Variants in ZNF121 observed in about 807,000 individuals in gnomAD.
ZNF121 encodes zinc finger protein 121 (clone ZHC32).
In ZNF121, 1 loss-of-function variant was observed where a neutral mutation model predicts 2.4. The observed-to-expected ratio is 0.41, with a 90% CI of 0.15 to 1.94. The LOEUF (loss-of-function observed/expected upper bound fraction) is 1.94, where lower values mean the gene tolerates loss of function less well. ZNF121 is among the 30% of genes most tolerant of loss of function. ZNF121 has a pLI of 0.30. For synonymous variants in ZNF121, 173 were observed against 158.6 expected, an observed-to-expected ratio of 1.09 and a Z score of -0.68; for missense variants, 369 against 466.3, an observed-to-expected ratio of 0.79 and a Z score of 1.92.
Position 9,565,306 on chromosome 19 carries a change from C to A in ZNF121, c.*634G>T, listed in dbSNP as rs2074121975. On this transcript the variant is annotated 3_prime_UTR_variant, in exon 4 of 4. Transcript: ENST00000320451. ...TGAGTTCTCAAATGTTGGATTGTGA[C>A]CACAATCCAATCCCTTGAGAAAAGA... 1 of 125,860 alleles carries A rather than the reference C, an allele frequency of 7.9e-6. No homozygotes were observed. Among genetic ancestry groups the A allele is most frequent in the South Asian group, 2.6e-4 (1 of 3,774 alleles). The allele number at this position is 125,860 out of a possible 1,614,324, so 7.8% of individuals were successfully genotyped here. A position where few individuals can be genotyped will look rare whatever the true frequency, so the allele number is the denominator to read the frequency against.
In ZNF121 at chr19:9,562,621, A is replaced by C. The variant is rs2074107076; in HGVS notation, c.*3319T>G. ...TCTTCCCAGGCCTCCTAATTCCCTGAGGGACAATATTGAAATTAGGCCAAT... is the reference window on the plus strand; with the variant it reads ...TCTTCCCAGGCCTCCTAATTCCCTGCGGGACAATATTGAAATTAGGCCAAT... On this transcript the variant is annotated 3_prime_UTR_variant, in exon 4 of 4. Coordinates refer to ENST00000320451, the MANE Select transcript of ZNF121 (RefSeq NM_001008727.5). 6.5e-6 allele frequency: 1 copy of C among 154,236 alleles called. No individual in the cohort carries two copies. The highest frequency in any genetic ancestry group is 2.4e-5 in the African/African-American group (1 of 41,442). The allele number at this position is 154,236 out of a possible 1,614,324, so 9.6% of individuals were successfully genotyped here.
intron 1 of ZNF121, among the ~76,000 whole-genome samples, chr19:9,579,601 G>A (rs567758618): frequency 1.3e-5 from 2 of 152,326 alleles, no homozygotes; most frequent in South Asian, 4.1e-4. Context: ...CCAGGAGGTG[G>A]AGGTTACAGT....
At chr19:9,567,533 G>A (rs951716079) in intron 3 of ZNF121, 5 of 221,926 alleles carry the variant, frequency 2.3e-5, no homozygotes, top group African/African-American at 1.1e-4. Context: ...AACAGGGGTG[G>A]AATAGGGGTG....
chr19:9,573,786 C>G (rs12460745), intron 1 of ZNF121, among the ~76,000 whole-genome samples: 15,382 of 152,196 alleles, frequency 0.1, 909 homozygotes, highest in South Asian at 0.2. Flanking sequence ...AGGACTCCAG[C>G]TGGTCTGGCA....
In ZNF121 at chr19:9,565,901, C is replaced by G; in HGVS notation, c.*39G>C. 7.0e-7 allele frequency: 1 copy of G among 1,436,342 alleles called. No homozygotes were observed. Among genetic ancestry groups the G allele is most frequent in the Non-Finnish European group, 9.3e-7 (1 of 1,072,294 alleles). The allele number at this position is 1,436,342 out of a possible 1,614,324, so 89.0% of individuals were successfully genotyped here. A position where few individuals can be genotyped will look rare whatever the true frequency, so the allele number is the denominator to read the frequency against. On this transcript the variant is annotated 3_prime_UTR_variant, in exon 4 of 4. Coordinates refer to ENST00000320451, the MANE Select transcript of ZNF121 (RefSeq NM_001008727.5). ...GTGGTAATTATGGTATGAGAAATTCCTAAAAGATTTCCACATTCCTTACAT... is the reference window on the plus strand; with the variant it reads ...GTGGTAATTATGGTATGAGAAATTCGTAAAAGATTTCCACATTCCTTACAT...
chr19:9,571,702 T>C (rs968331826), intron 1 of ZNF121, among the ~76,000 whole-genome samples: 2 of 152,192 alleles, frequency 1.3e-5, no homozygotes, highest in East Asian at 1.9e-4. Context: ...TAGTACACTA[T>C]GTTGACACCA....
chr19:9,582,917 T>TTTAATA (rs140640245), intron 1 of ZNF121, among the ~76,000 whole-genome samples: 2 of 151,426 alleles, frequency 1.3e-5, no homozygotes, highest in Admixed American at 6.6e-5. Flanking sequence ...ATATTCTGAT[T>TTTAATA]ATAAAGCCTC....
At position 9,560,632 on chromosome 19, in the gene ZNF121, T is replaced by C. The variant is rs1159285097; in HGVS notation, c.*5308A>G. On this transcript the variant is annotated 3_prime_UTR_variant, in exon 4 of 4. Coordinates refer to ENST00000320451, the MANE Select transcript of ZNF121 (RefSeq NM_001008727.5). ...TTTATTTCACTTAGCATAACGTCCA[T>C]GTTGTAGCATATGGCAGAATTTTGT... The C allele has an allele frequency of 6.6e-6, 1 of 152,260 alleles. No individual in the cohort carries two copies. Among genetic ancestry groups the C allele is most frequent in the Non-Finnish European group, 1.5e-5 (1 of 68,042 alleles). The allele number at this position is 152,260 out of a possible 1,614,324, so 9.4% of individuals were successfully genotyped here.
In ZNF121 at chr19:9,566,633, A is replaced by G. The variant is rs1341749047; in HGVS notation, c.480T>C (p.Asn160=). 6.2e-7 allele frequency: 1 copy of G among 1,614,094 alleles called. No individual in the cohort carries two copies. The highest frequency in any genetic ancestry group is 8.5e-7 in the Non-Finnish European group (1 of 1,180,018). Residue 160 remains asparagine (N), a synonymous_variant, in exon 4 of 4, where the codon AAT becomes AAC. Transcript: ENST00000320451. ...GKFFRYSSYL[N]SHMRTHTGEK... is the part of the protein sequence containing the mutation. Reference sequence around the variant, plus strand: ...CCCCAGTATGGGTTCGCATGTGACTATTAAGATATGAAGAATATCTAAAGA... The same window carrying G: ...CCCCAGTATGGGTTCGCATGTGACTGTTAAGATATGAAGAATATCTAAAGA...
At chr19:9,570,321 C>T (rs2074165157) in intron 1 of ZNF121, among the ~76,000 whole-genome samples, 1 of 152,114 alleles carries the variant, frequency 6.6e-6, no homozygotes, top group Non-Finnish European at 1.5e-5. Flanking sequence ...GCTTCCCTGG[C>T]ATAATGTGAA....
intron 3 of ZNF121, 49 bp downstream of exon 3, chr19:9,568,045 TG>T: frequency 6.6e-7 from 1 of 1,518,438 alleles, no homozygotes; most frequent in South Asian, 1.2e-5. Context: ...TTTTTATAAT[TG>T]AATCCCAATC....
In ZNF121 at chr19:9,561,543, T is replaced by C. The variant is rs1205647383; in HGVS notation, c.*4397A>G. ...TAAATAAATGAATAAGGATAACTCT[T>C]CCTTACAAAATTCCAGTTAAGAAAT... is the stretch of plus-strand genomic sequence containing the variant. On this transcript the variant is annotated 3_prime_UTR_variant, in exon 4 of 4. Coordinates refer to ENST00000320451, the MANE Select transcript of ZNF121 (RefSeq NM_001008727.5). The C allele has an allele frequency of 2.0e-5, 3 of 152,142 alleles. No individual in the cohort carries two copies. The highest frequency in any genetic ancestry group is 7.2e-5 in the African/African-American group (3 of 41,426). The allele number at this position is 152,142 out of a possible 1,614,324, so 9.4% of individuals were successfully genotyped here.
chr19:9,573,452 T>C (rs533054321), intron 1 of ZNF121, among the ~76,000 whole-genome samples: 1 of 152,262 alleles, frequency 6.6e-6, no homozygotes, highest in South Asian at 2.1e-4. Context: ...TTTGAAAATA[T>C]AGCCAGAAGA....
chr19:9,562,481 G>A lies in ZNF121; in HGVS notation c.*3459C>T, dbSNP rs2074106301. ...GCCCGGCTGCTCTGTGATCTTTGAT[G>A]TTCCTATTTTAATTGTTTTGGGGTA... On this transcript the variant is annotated 3_prime_UTR_variant, in exon 4 of 4. Coordinates refer to ENST00000320451, the MANE Select transcript of ZNF121 (RefSeq NM_001008727.5). 1 of 217,124 alleles carries A rather than the reference G, an allele frequency of 4.6e-6. No homozygotes were observed. Among genetic ancestry groups the A allele is most frequent in the South Asian group, 4.4e-5 (1 of 22,644 alleles). 13.4% of individuals were successfully genotyped at this position (217,124 alleles called of 1,614,324 possible).
In ZNF121 at chr19:9,560,955, T is replaced by C. The variant is rs1000157393; in HGVS notation, c.*4985A>G. ...CTGGTTAGTTGATTTTTAAAAAGAG[T>C]GGTATGAGTTATCAATTCTGAGAGT... On this transcript the variant is annotated 3_prime_UTR_variant, in exon 4 of 4. Coordinates refer to ENST00000320451, the MANE Select transcript of ZNF121 (RefSeq NM_001008727.5). 1 of 151,956 alleles carries C rather than the reference T, an allele frequency of 6.6e-6. No individual in the cohort carries two copies. The highest frequency in any genetic ancestry group is 2.4e-5 in the African/African-American group (1 of 41,358). The allele number at this position is 151,956 out of a possible 1,614,324, so 9.4% of individuals were successfully genotyped here.
In ZNF121 at chr19:9,565,268, T is replaced by G. The variant is rs556845673; in HGVS notation, c.*672A>C. 1.4e-5 allele frequency: 2 copies of G among 147,476 alleles called. No homozygotes were observed. The highest frequency in any genetic ancestry group is 2.5e-5 in the African/African-American group (1 of 40,512). The allele number at this position is 147,476 out of a possible 1,614,324, so 9.1% of individuals were successfully genotyped here. On this transcript the variant is annotated 3_prime_UTR_variant, in exon 4 of 4. Transcript: ENST00000320451. ...AGGGCTTTCTGTGTTTTCTACATTGTATGGCCCCATGGTGAGTTCTCAAAT... is the reference window on the plus strand; with the variant it reads ...AGGGCTTTCTGTGTTTTCTACATTGGATGGCCCCATGGTGAGTTCTCAAAT...
intron 3 of ZNF121, chr19:9,567,870 G>A (rs1599735358): frequency 2.3e-6 from 1 of 444,198 alleles, no homozygotes; most frequent in East Asian, 3.3e-5. Flanking sequence ...ATGGGGAATG[G>A]CTATACACAC....
intron 1 of ZNF121, among the ~76,000 whole-genome samples, chr19:9,581,706 A>T (rs955054653): frequency 2.6e-5 from 4 of 152,198 alleles, no homozygotes; most frequent in African/African-American, 4.8e-5. Context: ...AGACACTGAA[A>T]ACATTAACAA....
chr19:9,583,274 T>TGG (rs113734166), intron 1 of ZNF121, among the ~76,000 whole-genome samples: 70 of 151,036 alleles, frequency 4.6e-4, no homozygotes, highest in African/African-American at 1.5e-3. Flanking sequence ...TGAAGCTCTG[T>TGG]GGGGGGGTAC....
Sources: gnomAD v4.1 joint callset for allele counts (sites outside exome capture counted in the v4.1 genomes callset) on GRCh38, gnomAD v4.1.1 for gene constraint, MANE v1.5 for transcripts, NCBI Gene and HGNC (gene_info 2026-07-23, HGNC 2026-07-21) for gene names.